The following CDH7 variants were observed in gnomAD, a reference collection of about 807,000 sequenced individuals.
CDH7 encodes cadherin-7.
A neutral mutation model predicts 71.8 loss-of-function variants in CDH7; 25 were observed. The observed-to-expected ratio is 0.35, with a 90% CI of 0.25 to 0.49. CDH7 has a LOEUF of 0.49. Among genes scored for constraint, CDH7 ranks in the 20% least tolerant of loss-of-function variants. The pLI is 0.99. For synonymous variants in CDH7, 381 were observed against 363.8 expected, an observed-to-expected ratio of 1.05 and a Z score of -0.54; for missense variants, 862 against 974.6, an observed-to-expected ratio of 0.88 and a Z score of 1.54.
chr18:65,759,150 C>A (rs207476880), intron 1 of CDH7, among the ~76,000 whole-genome samples: 2 of 151,908 alleles, frequency 1.3e-5, no homozygotes, highest in African/African-American at 4.8e-5. Context: ...TTAAACAGCT[C>A]TTCTTAAAGT....
chr18:65,777,996 G>C (rs886720700), intron 2 of CDH7, among the ~76,000 whole-genome samples: 1 of 152,076 alleles, frequency 6.6e-6, no homozygotes, highest in Non-Finnish European at 1.5e-5. Flanking sequence ...GTGCCAGCCG[G>C]GCGTGGTGGC....
chr18:65,832,442 T>G (rs1017993375), intron 6 of CDH7, among the ~76,000 whole-genome samples: 3 of 152,048 alleles, frequency 2.0e-5, no homozygotes, highest in Non-Finnish European at 2.9e-5. Context: ...ACAGAAAATG[T>G]TTATTAATAT....
chr18:65,853,999 A>C (rs941781353), intron 7 of CDH7, among the ~76,000 whole-genome samples: 1 of 143,972 alleles, frequency 6.9e-6, no homozygotes, highest in Non-Finnish European at 1.5e-5. Context: ...TTATTAACAA[A>C]TACACACAAT....
chr18:65,857,016 T>TA lies in CDH7; in HGVS notation c.1236-786dup, dbSNP rs5825658. On this transcript the variant is annotated intron_variant, in intron 7 of 11. Coordinates refer to ENST00000397968, the MANE Select transcript of CDH7 (RefSeq NM_004361.5). Reference sequence around the variant, plus strand: ...CTGGTCAAGACCACTGAGTAAGATTTAAAAAAAAAAAAAAGAAAGAGGGTT... The same window carrying TA: ...CTGGTCAAGACCACTGAGTAAGATTTAAAAAAAAAAAAAAAGAAAGAGGGTT... Among the ~76,000 whole-genome samples the TA allele has an allele frequency of 3.5e-3, 503 of 144,766 alleles. 2 individuals carry two copies. The highest frequency in any genetic ancestry group is 0.011 in the African/African-American group (444 of 39,164). 95.0% of individuals were successfully genotyped at this position (144,766 alleles called of 152,430 possible).
At chr18:65,848,608 C>G (rs12969061) in intron 7 of CDH7, among the ~76,000 whole-genome samples, 94,514 of 151,876 alleles carry the variant, frequency 0.62, 31,210 homozygotes, top group East Asian at 0.93. Flanking sequence ...ATCCTAAAAG[C>G]CTAGTACTAA....
chr18:65,773,857 A>T (rs1916618885), intron 2 of CDH7, among the ~76,000 whole-genome samples: 2 of 152,184 alleles, frequency 1.3e-5, no homozygotes, highest in African/African-American at 4.8e-5. Flanking sequence ...GAGTTTTAGG[A>T]TGACACTTAT....
intron 3 of CDH7, among the ~76,000 whole-genome samples, chr18:65,811,319 C>T (rs977345850): frequency 2.6e-5 from 4 of 152,050 alleles, no homozygotes; most frequent in Non-Finnish European, 5.9e-5. Context: ...ACCTAAATTT[C>T]TGTTCCTATT....
At position 65,799,796 on chromosome 18, in the gene CDH7, CT is replaced by C. The variant is rs1193149187; in HGVS notation, c.211-9904del. Among the ~76,000 whole-genome samples, 5 of 152,134 alleles carry C rather than the reference CT, an allele frequency of 3.3e-5. No homozygotes were observed. In the East Asian group the frequency reaches 9.6e-4, roughly 29 times the overall value. On this transcript the variant is annotated intron_variant, in intron 2 of 11. Coordinates refer to ENST00000397968, the MANE Select transcript of CDH7 (RefSeq NM_004361.5). ...ATACTCCCCAAATTAGCTTCTCATT[CT>C]TTTGGGTTTCCCTGAAACATGAACT...
At chr18:65,861,943 C>T (rs62088988) in intron 10 of CDH7, among the ~76,000 whole-genome samples, 178 of 152,134 alleles carry the variant, frequency 1.2e-3, no homozygotes, top group Non-Finnish European at 2.3e-3. Context: ...AAACTGCTAA[C>T]ACACACAAAA....
Position 65,864,205 on chromosome 18 carries a change from A to G in CDH7, c.1864+1288A>G, listed in dbSNP as rs578240781. 18 of 152,334 alleles carry G rather than the reference A, an allele frequency of 1.2e-4. No homozygotes were observed. In the South Asian group the frequency reaches 3.5e-3, roughly 30 times the overall value. 9.4% of individuals were successfully genotyped at this position (152,334 alleles called of 1,614,324 possible). On this transcript the variant is annotated intron_variant, in intron 11 of 11. Coordinates refer to ENST00000397968, the MANE Select transcript of CDH7 (RefSeq NM_004361.5). ...AAATCTAATTAGAATATAAGGGATT[A>G]AAGTTTGAAAAAGGTAGAACCACTG...
At chr18:65,783,034 A>G (rs973547706) in intron 2 of CDH7, among the ~76,000 whole-genome samples, 1 of 152,188 alleles carries the variant, frequency 6.6e-6, no homozygotes, top group Admixed American at 6.5e-5. Context: ...GCTTTCTTCA[A>G]CCTTAGTTGG....
chr18:65,840,893 A>C (rs1912708545), intron 6 of CDH7, among the ~76,000 whole-genome samples: 1 of 152,096 alleles, frequency 6.6e-6, no homozygotes. Flanking sequence ...GTCTTTTCTT[A>C]ATTGTTATTT....
intron 6 of CDH7, among the ~76,000 whole-genome samples, chr18:65,836,302 A>AG (rs1474133521): frequency 9.2e-5 from 14 of 152,210 alleles, no homozygotes; most frequent in African/African-American, 3.1e-4. Flanking sequence ...TCCAGACAGG[A>AG]GAACAGAAGA....
At chr18:65,816,319 G>A (rs917256936) in intron 4 of CDH7, among the ~76,000 whole-genome samples, 3 of 151,910 alleles carry the variant, frequency 2.0e-5, no homozygotes, top group African/African-American at 7.3e-5. Context: ...CATTTCTTGT[G>A]AGAAAAAATA....
At chr18:65,766,952 G>C (rs1679369222) in intron 2 of CDH7, among the ~76,000 whole-genome samples, 2 of 143,926 alleles carry the variant, frequency 1.4e-5, no homozygotes, top group East Asian at 2.1e-4. Flanking sequence ...CTCTGTTCCA[G>C]GTATTAAGTA....
chr18:65,818,621 A>G (rs1004043390), intron 4 of CDH7, among the ~76,000 whole-genome samples: 8 of 152,240 alleles, frequency 5.3e-5, no homozygotes, highest in African/African-American at 1.9e-4. Context: ...TATCACTGAG[A>G]TATTTTAAGT....
At chr18:65,771,606 A>T (rs1916544858) in intron 2 of CDH7, among the ~76,000 whole-genome samples, 1 of 151,966 alleles carries the variant, frequency 6.6e-6, no homozygotes, top group South Asian at 2.1e-4. Flanking sequence ...AGCCCGAGAG[A>T]TGGAGGCTGC....
intron 2 of CDH7, among the ~76,000 whole-genome samples, chr18:65,778,904 A>G (rs1598997349): frequency 6.6e-6 from 1 of 152,218 alleles, no homozygotes; most frequent in East Asian, 1.9e-4. Context: ...TCTACAAACT[A>G]ATAGATTCTC....
chr18:65,867,672 G>A (rs1402314803), intron 11 of CDH7, among the ~76,000 whole-genome samples: 1 of 152,086 alleles, frequency 6.6e-6, no homozygotes, highest in Non-Finnish European at 1.5e-5. Flanking sequence ...TGCACAATAA[G>A]GCTGCCACTG....
Sources: allele counts gnomAD v4.1 joint callset (sites outside exome capture counted in the v4.1 genomes callset), GRCh38; gene constraint gnomAD v4.1.1; transcripts MANE v1.5; gene names NCBI Gene and HGNC (gene_info 2026-07-23, HGNC 2026-07-21).